CALN1: variants seen among roughly 807,000 people sequenced by gnomAD.
CALN1 encodes the protein calneuron 1.
Under a neutral mutation model 30.6 loss-of-function variants are expected in CALN1, and 17 were observed. The ratio of observed to expected loss-of-function variants is 0.56; its 90% CI spans 0.38 to 0.83. The LOEUF is 0.83. CALN1 is among the 40% of genes least tolerant of loss of function. The pLI is 0.00. For synonymous variants in CALN1, 156 were observed against 131.4 expected (o/e 1.19, Z -1.28); for missense variants, 291 against 354.9 (o/e 0.82, Z 1.45).
intron 2 of CALN1, among the ~76,000 whole-genome samples, chr7:72,384,988 G>A (rs1031152740): frequency 4.6e-5 from 7 of 152,172 alleles, no homozygotes; most frequent in Admixed American, 3.3e-4. Context: ...GGGAAAAGTG[G>A]TCAAAAAATT....
intron 3 of CALN1, among the ~76,000 whole-genome samples, chr7:72,180,607 CTTTTTTT>C (rs150600925): frequency 2.2e-5 from 2 of 90,004 alleles, no homozygotes; most frequent in African/African-American, 4.8e-5. Context: ...GCTTTTTTTT[CTTTTTTT>C]TTTTTTTTTT....
At chr7:72,304,324 T>C (rs988318679) in intron 2 of CALN1, among the ~76,000 whole-genome samples, 1 of 152,164 alleles carries the variant, frequency 6.6e-6, no homozygotes, top group African/African-American at 2.4e-5. Context: ...CCATTTCAAG[T>C]GGATGCTCAA....
chr7:72,168,501 C>G (rs1004115233), intron 3 of CALN1, among the ~76,000 whole-genome samples: 2 of 152,062 alleles, frequency 1.3e-5, no homozygotes, highest in Admixed American at 6.6e-5. Flanking sequence ...ATGCACCAAG[C>G]AAAATTCCAA....
chr7:72,283,526 CTCT>C (rs898862188), intron 2 of CALN1, among the ~76,000 whole-genome samples: 5 of 77,294 alleles, frequency 6.5e-5, no homozygotes, highest in African/African-American at 2.7e-4. Context: ...CAGAGCAAGA[CTCT>C]TGACTCTAAA....
chr7:71,896,548 G>A (rs2867522), intron 5 of CALN1, among the ~76,000 whole-genome samples: 57,931 of 152,078 alleles, frequency 0.38, 13,087 homozygotes, highest in African/African-American at 0.62. Flanking sequence ...AGAATCTTAT[G>A]GGAATTCACA....
At chr7:72,241,769 T>C (rs903818767) in intron 3 of CALN1, among the ~76,000 whole-genome samples, 8 of 151,958 alleles carry the variant, frequency 5.3e-5, no homozygotes, top group Non-Finnish European at 1.5e-5. Flanking sequence ...AAACAACAGA[T>C]ACCATAACTC....
At chr7:71,983,667 G>A (rs185346714) in intron 5 of CALN1, among the ~76,000 whole-genome samples, 43 of 152,270 alleles carry the variant, frequency 2.8e-4, no homozygotes, top group Admixed American at 2.6e-3. Flanking sequence ...GAGTAGCTGG[G>A]ATTACAGGTG....
intron 4 of CALN1, among the ~76,000 whole-genome samples, chr7:72,079,582 T>C (rs1462428617): frequency 6.6e-6 from 1 of 152,030 alleles, no homozygotes; most frequent in African/African-American, 2.4e-5. Context: ...TGAAACTTAA[T>C]GAAGGTTAAG....
chr7:72,465,242 T>G, the CALN1 span, among the ~76,000 whole-genome samples: 1 of 152,216 alleles, frequency 6.6e-6, no homozygotes, highest in African/African-American at 2.4e-5. Flanking sequence ...GAAGTCTTCC[T>G]TCATGCCCAA....
chr7:71,948,819 A>G (rs1185286330), intron 5 of CALN1, among the ~76,000 whole-genome samples: 1 of 151,702 alleles, frequency 6.6e-6, no homozygotes, highest in Non-Finnish European at 1.5e-5. Flanking sequence ...AGATGGGATG[A>G]CTGCTTGAAC....
In CALN1 at chr7:72,082,971, G is replaced by A. The variant is rs1020666141; in HGVS notation, c.388+23180C>T. On this transcript the variant is annotated intron_variant, in intron 4 of 6. Transcript: ENST00000395275. ...AATCCCAGCACTTTGGGAGGCTGAG[G>A]AGGGCAGTCACCTGAGGTCAGGAGT... Among the ~76,000 whole-genome samples the A allele has an allele frequency of 9.9e-5, 15 of 152,254 alleles. No homozygotes were observed. In the East Asian group the frequency reaches 1.7e-3, roughly 18 times the overall value.
chr7:72,280,405 G>T (rs777412889), intron 2 of CALN1, among the ~76,000 whole-genome samples: 1 of 152,154 alleles, frequency 6.6e-6, no homozygotes, highest in Non-Finnish European at 1.5e-5. Flanking sequence ...ATTACAAAGG[G>T]TATATGCATT....
the CALN1 span, among the ~76,000 whole-genome samples, chr7:72,483,272 T>A: frequency 7.2e-6 from 1 of 138,864 alleles, no homozygotes; most frequent in Non-Finnish European, 1.5e-5. Flanking sequence ...TTTTTCCTTT[T>A]TCTTTTTCTT....
chr7:71,983,508 G>A (rs1798507091), intron 5 of CALN1, among the ~76,000 whole-genome samples: 1 of 151,828 alleles, frequency 6.6e-6, no homozygotes, highest in Non-Finnish European at 1.5e-5. Flanking sequence ...TCTCTTTAAA[G>A]GCAAAGACTA....
At chr7:72,022,245 A>ACT (rs1800747217) in intron 5 of CALN1, among the ~76,000 whole-genome samples, 3 of 152,172 alleles carry the variant, frequency 2.0e-5, no homozygotes, top group Non-Finnish European at 4.4e-5. Flanking sequence ...ACAAATAGTT[A>ACT]TTGAGGGCTT....
At chr7:71,835,969 C>T (rs986436827) in intron 5 of CALN1, among the ~76,000 whole-genome samples, 1 of 152,184 alleles carries the variant, frequency 6.6e-6, no homozygotes, top group African/African-American at 2.4e-5. Context: ...TTAGACTCGG[C>T]TAGGTGACTT....
At position 71,984,080 on chromosome 7, in the gene CALN1, A is replaced by G. The variant is rs747556314; in HGVS notation, c.501+39577T>C. On this transcript the variant is annotated intron_variant, in intron 5 of 6. Transcript: ENST00000395275. ...TCTTAAGAGTAAATAATTAATCAAA[A>G]GAATACTCTCTTACAAAGGAGGAAA... is the stretch of plus-strand genomic sequence containing the variant. Among the ~76,000 whole-genome samples, 4 of 152,340 alleles carry G rather than the reference A, an allele frequency of 2.6e-5. No individual in the cohort carries two copies. The East Asian group carries it at 7.7e-4, about 29-fold the overall frequency.
At chr7:71,891,854 G>A (rs1793258192) in intron 5 of CALN1, among the ~76,000 whole-genome samples, 1 of 152,144 alleles carries the variant, frequency 6.6e-6, no homozygotes. Flanking sequence ...TGAGGCAGAA[G>A]AATCGCTTGA....
intron 3 of CALN1, among the ~76,000 whole-genome samples, chr7:72,259,965 CA>C (rs1423715358): frequency 2.6e-5 from 4 of 152,180 alleles, no homozygotes; most frequent in Non-Finnish European, 5.9e-5. Flanking sequence ...GTCTTCCCAC[CA>C]AAAGCAAAAC....
Sources: gnomAD v4.1 joint callset for allele counts (sites outside exome capture counted in the v4.1 genomes callset) on GRCh38, gnomAD v4.1.1 for gene constraint, MANE v1.5 for transcripts, NCBI Gene and HGNC (gene_info 2026-07-23, HGNC 2026-07-21) for gene names.